FOXP2: variants seen among roughly 807,000 people sequenced by gnomAD.
FOXP2 encodes the protein forkhead box P2.
In FOXP2, 12 loss-of-function variants were observed where a neutral mutation model predicts 115.8. The observed-to-expected ratio is 0.10, with a 90% CI of 0.07 to 0.17. FOXP2 has a LOEUF of 0.17. Among genes scored for constraint, FOXP2 ranks in the 10% least tolerant of loss-of-function variants. The pLI is 1.00. For missense variants in FOXP2, 629 were observed against 843.5 expected (o/e 0.75, Z 3.15); for synonymous variants, 328 against 297.7 (o/e 1.10, Z -1.05).
intron 1 of FOXP2, among the ~76,000 whole-genome samples, chr7:114,135,628 G>A (rs1392118176): frequency 6.6e-6 from 1 of 152,108 alleles, no homozygotes; most frequent in Non-Finnish European, 1.5e-5. Flanking sequence ...AATATAAATT[G>A]AGACTAGCTT....
chr7:114,265,151 A>G (rs1382899819), intron 1 of FOXP2, among the ~76,000 whole-genome samples: 1 of 152,188 alleles, frequency 6.6e-6, no homozygotes, highest in East Asian at 1.9e-4. Context: ...GCATTAACTC[A>G]AAAGTCCAAA....
intron 1 of FOXP2, among the ~76,000 whole-genome samples, chr7:114,270,983 G>A (rs1245036784): frequency 6.6e-6 from 1 of 150,796 alleles, no homozygotes; most frequent in South Asian, 2.1e-4. Context: ...TTTTTTGTAT[G>A]TGGATGTCTA....
At chr7:114,439,376 T>C (rs558410583) in intron 2 of FOXP2, among the ~76,000 whole-genome samples, 1 of 152,144 alleles carries the variant, frequency 6.6e-6, no homozygotes, top group Non-Finnish European at 1.5e-5. Flanking sequence ...TAAAGCTTTA[T>C]ATATTTTTGT....
Position 114,154,766 on chromosome 7 carries a change from T to A in FOXP2, c.-246-8178T>A, listed in dbSNP as rs538610172. Among the ~76,000 whole-genome samples the A allele has an allele frequency of 9.2e-5, 14 of 152,202 alleles. No homozygotes were observed. In the East Asian group the frequency reaches 2.5e-3, roughly 27 times the overall value. On this transcript the variant is annotated intron_variant, in intron 1 of 19. Transcript: ENST00000635638. ...ATATATAAACTGAATAGTGAGTAAATTTGGATTTCCAAAAGAAAAGACTGC... is the reference window on the plus strand; with the variant it reads ...ATATATAAACTGAATAGTGAGTAAAATTGGATTTCCAAAAGAAAAGACTGC...
At chr7:114,215,156 G>A (rs1450789708) in intron 1 of FOXP2, among the ~76,000 whole-genome samples, 1 of 152,028 alleles carries the variant, frequency 6.6e-6, no homozygotes, top group Non-Finnish European at 1.5e-5. Flanking sequence ...AAGAAAATCA[G>A]TGATACTTTT....
intron 1 of FOXP2, among the ~76,000 whole-genome samples, chr7:114,122,177 C>A (rs1408759529): frequency 6.6e-6 from 1 of 152,086 alleles, no homozygotes; most frequent in Non-Finnish European, 1.5e-5. Context: ...GCTAAGATGA[C>A]AATTGCTGGA....
chr7:114,408,207 A>G (rs1476485732), intron 2 of FOXP2, among the ~76,000 whole-genome samples: 1 of 152,164 alleles, frequency 6.6e-6, no homozygotes, highest in Non-Finnish European at 1.5e-5. Flanking sequence ...AGAAAACTAA[A>G]TGTAACATAG....
chr7:114,257,441 T>C (rs937783625), intron 1 of FOXP2, among the ~76,000 whole-genome samples: 3 of 137,646 alleles, frequency 2.2e-5, no homozygotes, highest in Admixed American at 8.9e-5. Context: ...GTCATTTTTT[T>C]CTTTTCTTTC....
At chr7:114,478,551 A>G (rs1796387459) in intron 2 of FOXP2, among the ~76,000 whole-genome samples, 1 of 151,832 alleles carries the variant, frequency 6.6e-6, no homozygotes, top group Non-Finnish European at 1.5e-5. Flanking sequence ...ATAGATCAGT[A>G]GTCCACACCA....
chr7:114,328,891 C>T (rs1202324999), intron 2 of FOXP2, among the ~76,000 whole-genome samples: 1 of 152,168 alleles, frequency 6.6e-6, no homozygotes, highest in African/African-American at 2.4e-5. Flanking sequence ...CCATGATATA[C>T]TCTCTGGATT....
chr7:114,649,376 A>G (rs982882997), intron 8 of FOXP2, among the ~76,000 whole-genome samples: 2 of 152,094 alleles, frequency 1.3e-5, no homozygotes, highest in African/African-American at 2.4e-5. Flanking sequence ...AAGGGACATG[A>G]TTAAATGATT....
intron 1 of FOXP2, among the ~76,000 whole-genome samples, chr7:114,204,678 G>T (rs989065466): frequency 2.0e-5 from 3 of 152,058 alleles, no homozygotes; most frequent in African/African-American, 7.2e-5. Flanking sequence ...TATCAAAATT[G>T]TTTGCTTTTT....
At chr7:114,297,436 G>T in intron 2 of FOXP2, 1 of 493,900 alleles carries the variant, frequency 2.0e-6, no homozygotes, top group South Asian at 2.2e-5. Context: ...CATGGCTGCT[G>T]CTCTTCAATG....
chr7:114,405,197 A>T (rs1254097217), intron 2 of FOXP2, among the ~76,000 whole-genome samples: 1 of 151,894 alleles, frequency 6.6e-6, no homozygotes, highest in Non-Finnish European at 1.5e-5. Flanking sequence ...GTAGGTTTCT[A>T]AATAATTTAC....
intron 2 of FOXP2, among the ~76,000 whole-genome samples, chr7:114,463,395 G>A (rs1016116481): frequency 1.3e-5 from 2 of 152,164 alleles, no homozygotes; most frequent in African/African-American, 4.8e-5. Flanking sequence ...CTATCCACAT[G>A]TGGCTACTGA....
At chr7:114,687,560 A>G (rs1432837896) in intron 16 of FOXP2, among the ~76,000 whole-genome samples, 5 of 152,218 alleles carry the variant, frequency 3.3e-5, no homozygotes, top group African/African-American at 1.2e-4. Flanking sequence ...CTGATTTATA[A>G]TTAATGCAAA....
intron 1 of FOXP2, among the ~76,000 whole-genome samples, chr7:114,208,238 C>G (rs1794250886): frequency 6.6e-6 from 1 of 152,152 alleles, no homozygotes. Context: ...GATGTGCGAC[C>G]TGGAGTCAAA....
chr7:114,182,031 C>T (rs1793468847), intron 1 of FOXP2, among the ~76,000 whole-genome samples: 1 of 151,910 alleles, frequency 6.6e-6, no homozygotes, highest in African/African-American at 2.4e-5. Flanking sequence ...TTTTCATATA[C>T]TTTAATTGCT....
chr7:114,534,625 G>C lies in FOXP2; in HGVS notation c.177G>C (p.Gln59His). 1 of 1,611,774 alleles carries C rather than the reference G, an allele frequency of 6.2e-7. No homozygotes were observed. Among genetic ancestry groups the C allele is most frequent in the Non-Finnish European group, 8.5e-7 (1 of 1,178,358 alleles). ...TTCATTTTTACTTCTAGGCTCTCCA[G>C]GCAGCAAGACAACTTCTTTTACAGC... is the stretch of plus-strand genomic sequence containing the variant. ...LLHLQQQQAL[Q>H]AARQLLLQQQ... Residue 59 changes from glutamine (Q) to histidine (H), a missense_variant, in exon 3 of 17, where the codon CAG (glutamine) becomes CAC (histidine). Coordinates refer to ENST00000350908, the MANE Select transcript of FOXP2 (RefSeq NM_014491.4).
Sources: allele counts gnomAD v4.1 joint callset (sites outside exome capture counted in the v4.1 genomes callset), GRCh38; gene constraint gnomAD v4.1.1; transcripts MANE v1.5; gene names NCBI Gene and HGNC (gene_info 2026-07-23, HGNC 2026-07-21).